The following GSTA4 variants were observed in gnomAD, a reference collection of about 807,000 sequenced individuals.
The protein encoded by GSTA4 is glutathione S-transferase alpha 4.
In GSTA4, 15 loss-of-function variants were observed where a neutral mutation model predicts 24.4. The ratio of observed to expected loss-of-function variants is 0.61; its 90% confidence interval spans 0.41 to 0.95. The LOEUF (loss-of-function observed/expected upper bound fraction) is 0.95. Among genes scored for constraint, GSTA4 ranks in the 40% least tolerant of loss-of-function variants. The pLI, the probability that GSTA4 is intolerant of heterozygous loss-of-function variation, is 0.00. For synonymous variants in GSTA4, 92 were observed against 94.2 expected (o/e 0.98, Z 0.13); for missense variants, 244 against 262.1 (o/e 0.93, Z 0.48).
At chr6:52,992,085 C>T (rs1486447384) in intron 2 of GSTA4, among the ~76,000 whole-genome samples, 1 of 151,980 alleles carries the variant, frequency 6.6e-6, no homozygotes, top group Non-Finnish European at 1.5e-5. Context: ...GAAGAAATTC[C>T]TGATTCTAGG....
rs1763386497 is a variant in GSTA4, at chr6:52,978,486, T to C, written c.653A>G (p.Asn218Ser). The part of the protein sequence containing the change: ...PDEIYVRTVY[N>S]IFRP ...TGTGTTGTTTTATGGCCTAAAGATG[T>C]TGTAGACGGTTCTCACATAAATTTC... The change falls in exon 7 of 7, where the codon AAC becomes AGC. Residue 218 changes from asparagine to serine, a missense_variant. Transcript: ENST00000370963. The C allele has an allele frequency of 1.2e-6, 2 of 1,613,630 alleles. No homozygotes were observed. The highest frequency in any genetic ancestry group is 2.7e-5 in the African/African-American group (2 of 75,014).
intron 5 of GSTA4, among the ~76,000 whole-genome samples, 190 bp from the exon 6 acceptor site, chr6:52,982,895 G>T (rs1320728713): frequency 6.7e-6 from 1 of 150,362 alleles, no homozygotes; most frequent in African/African-American, 2.4e-5. Context: ...GAGAGAGAGA[G>T]AGAGAGAGCG....
chr6:52,980,261 A>G (rs1454732986), intron 6 of GSTA4, among the ~76,000 whole-genome samples: 1 of 151,592 alleles, frequency 6.6e-6, no homozygotes, highest in Non-Finnish European at 1.5e-5. Flanking sequence ...GTGTGTGTCT[A>G]TGTGTACACA....
intron 6 of GSTA4, among the ~76,000 whole-genome samples, chr6:52,979,581 T>C (rs1238413617): frequency 6.6e-6 from 1 of 152,242 alleles, no homozygotes; most frequent in African/African-American, 2.4e-5. Flanking sequence ...ATCTGAACTA[T>C]ATGAAGAAGC....
chr6:52,994,129 A>T (rs764404969), intron 2 of GSTA4, 28 bp downstream of exon 2: 1 of 1,440,928 alleles, frequency 6.9e-7, no homozygotes, highest in Admixed American at 1.7e-5. Flanking sequence ...TGTATGACAA[A>T]TCCGTGAAGA....
intron 6 of GSTA4, among the ~76,000 whole-genome samples, chr6:52,978,893 G>A (rs1763396448): frequency 6.6e-6 from 1 of 152,096 alleles, no homozygotes; most frequent in African/African-American, 2.4e-5. Context: ...AAGTTGTCCT[G>A]AGCCACATGC....
chr6:52,982,737 A>G, intron 5 of GSTA4, 32 bp from the exon 6 acceptor site: 1 of 1,578,150 alleles, frequency 6.3e-7, no homozygotes, highest in Non-Finnish European at 8.7e-7. Context: ...CAGTTACAAT[A>G]TTCCACATGG....
chr6:52,978,357 G>C lies in GSTA4; in HGVS notation c.*113C>G, dbSNP rs907507994. ...CGTTGACACAAAAGACCCAACTTAG[G>C]ACCCAACTTAATACATAGATAGCAC... On this transcript the variant is annotated 3_prime_UTR_variant, in exon 7 of 7. Transcript: ENST00000370963. The C allele has an allele frequency of 9.5e-6, 10 of 1,057,690 alleles. No individual in the cohort carries two copies. In the African/African-American group the frequency reaches 1.5e-4, roughly 16 times the overall value. 65.5% of individuals were successfully genotyped at this position (1,057,690 alleles called of 1,614,324 possible). A position where few individuals can be genotyped will look rare whatever the true frequency, so the allele number is the denominator to read the frequency against.
Position 52,994,249 on chromosome 6 carries a change from C to A in GSTA4, c.-6G>T. On this transcript the variant is annotated 5_prime_UTR_variant, in exon 2 of 7. Transcript: ENST00000370963. ...AGCTTGGGCCTTGCTGCCATGATAG[C>A]TTTTCAGGCTTTCTGAAATACAAAT... 1 of 1,592,416 alleles carries A rather than the reference C, an allele frequency of 6.3e-7. No individual in the cohort carries two copies. The highest frequency in any genetic ancestry group is 1.1e-5 in the South Asian group (1 of 90,694).
At position 52,978,269 on chromosome 6, in the gene GSTA4, T is replaced by G. The variant is rs1763382758; in HGVS notation, c.*201A>C. On this transcript the variant is annotated 3_prime_UTR_variant, in exon 7 of 7. Coordinates refer to ENST00000370963, the MANE Select transcript of GSTA4 (RefSeq NM_001512.4). ...CAGCCTCTCCAAAAAAGTTTTCCAATAAAGATCCCCTAACAATTATTTACT... is the reference window on the plus strand; with the variant it reads ...CAGCCTCTCCAAAAAAGTTTTCCAAGAAAGATCCCCTAACAATTATTTACT... The G allele has an allele frequency of 1.8e-6, 1 of 543,176 alleles. No homozygotes were observed. The highest frequency in any genetic ancestry group is 4.0e-5 in the Admixed American group (1 of 25,086). 33.6% of individuals were successfully genotyped at this position (543,176 alleles called of 1,614,324 possible).
At chr6:52,985,623 C>T in intron 3 of GSTA4, 40 bp from the exon 4 acceptor site, 2 of 1,607,162 alleles carry the variant, frequency 1.2e-6, no homozygotes, top group East Asian at 4.5e-5. Context: ...ATCTTTTCTT[C>T]TCTGTCCCCC....
chr6:52,982,300 C>T (rs1219870556), intron 6 of GSTA4, among the ~76,000 whole-genome samples: 1 of 151,972 alleles, frequency 6.6e-6, no homozygotes, highest in Non-Finnish European at 1.5e-5. Context: ...GGGAGGATCT[C>T]TTGAGCCCAG....
At chr6:52,985,168 G>A (rs1014665696) in intron 4 of GSTA4, among the ~76,000 whole-genome samples, 1 of 152,148 alleles carries the variant, frequency 6.6e-6, no homozygotes, top group African/African-American at 2.4e-5. Flanking sequence ...AATAGTGAAT[G>A]TGCAAGAAAG....
chr6:52,985,048 G>A (rs1223931881), intron 4 of GSTA4, among the ~76,000 whole-genome samples: 1 of 152,104 alleles, frequency 6.6e-6, no homozygotes, highest in African/African-American at 2.4e-5. Flanking sequence ...GTTGCCCAGG[G>A]TCATACATCT....
At chr6:52,983,397 T>C (rs900553330) in intron 5 of GSTA4, among the ~76,000 whole-genome samples, 4 of 152,184 alleles carry the variant, frequency 2.6e-5, no homozygotes, top group Admixed American at 1.3e-4. Context: ...TGGATGCCCA[T>C]GGGTGTCTGC....
intron 6 of GSTA4, among the ~76,000 whole-genome samples, chr6:52,979,931 T>C (rs1475457625): frequency 6.6e-6 from 1 of 152,252 alleles, no homozygotes; most frequent in Non-Finnish European, 1.5e-5. Context: ...GGGTTCATAG[T>C]TATCAAAGTA....
At chr6:52,982,096 T>C (rs1037499378) in intron 6 of GSTA4, among the ~76,000 whole-genome samples, 3 of 152,220 alleles carry the variant, frequency 2.0e-5, no homozygotes, top group African/African-American at 7.2e-5. Context: ...CGCCCACTAT[T>C]CCATCAGTAG....
chr6:52,993,429 C>T (rs1024376939), intron 2 of GSTA4, among the ~76,000 whole-genome samples: 4 of 152,104 alleles, frequency 2.6e-5, no homozygotes, highest in Admixed American at 1.3e-4. Flanking sequence ...AAACAAAATG[C>T]CTGTTTGAGA....
Position 52,977,955 on chromosome 6 carries a change from T to C in GSTA4, c.*515A>G, listed in dbSNP as rs999955938. Reference sequence around the variant, plus strand: ...ATTCTCACAACAAGACAATGAGCAATGACTCATAAATTCTTTATTTTGGCT... The same window carrying C: ...ATTCTCACAACAAGACAATGAGCAACGACTCATAAATTCTTTATTTTGGCT... On this transcript the variant is annotated 3_prime_UTR_variant, in exon 7 of 7. Transcript: ENST00000370963. 1 of 152,366 alleles carries C rather than the reference T, an allele frequency of 6.6e-6. No individual in the cohort carries two copies. Among genetic ancestry groups the C allele is most frequent in the Non-Finnish European group, 1.5e-5 (1 of 68,150 alleles). 9.4% of individuals were successfully genotyped at this position (152,366 alleles called of 1,614,324 possible). A position where few individuals can be genotyped will look rare whatever the true frequency, so the allele number is the denominator to read the frequency against.
Sources: allele counts gnomAD v4.1 joint callset (sites outside exome capture counted in the v4.1 genomes callset), GRCh38; gene constraint gnomAD v4.1.1; transcripts MANE v1.5; gene names NCBI Gene and HGNC (gene_info 2026-07-23, HGNC 2026-07-21).